The following RAB5A variants were observed in gnomAD, a reference collection of about 807,000 sequenced individuals.
The protein encoded by RAB5A is ras-related protein Rab-5A.
RAB5A carries 8 observed loss-of-function variants against 25.7 expected under a neutral mutation model. That is an observed-to-expected ratio of 0.31 (90% CI 0.18 to 0.56). The LOEUF (loss-of-function observed/expected upper bound fraction) is 0.56. Ranked by LOEUF, RAB5A falls within the 20% of genes least tolerant of loss-of-function variation. The probability of loss-of-function intolerance (pLI) is 0.91; values close to 1 mark genes in which losing one functional copy is unlikely to be tolerated. For missense variants in RAB5A, 192 were observed against 259.7 expected (o/e 0.74, Z 1.79); for synonymous variants, 98 against 89.8 (o/e 1.09, Z -0.52).
chr3:19,976,287 T>C, intron 4 of RAB5A, 118 bp downstream of exon 4: 4 of 1,169,182 alleles, frequency 3.4e-6, no homozygotes, highest in Non-Finnish European at 4.7e-6. Context: ...AATACTGATT[T>C]TTAAAACAAA....
At chr3:19,954,805 G>A (rs1055414316) in intron 2 of RAB5A, among the ~76,000 whole-genome samples, 5 of 152,068 alleles carry the variant, frequency 3.3e-5, no homozygotes, top group Non-Finnish European at 7.4e-5. Flanking sequence ...GTGACAGTGA[G>A]AACCCTGTCT....
intron 5 of RAB5A, 100 bp from the exon 6 acceptor site, chr3:19,983,608 G>T (rs1454281710): frequency 1.3e-6 from 1 of 775,424 alleles, no homozygotes; most frequent in Non-Finnish European, 2.2e-6. Context: ...ATGATACTTT[G>T]GGGGTAACCT....
intron 5 of RAB5A, among the ~76,000 whole-genome samples, chr3:19,982,149 G>C (rs1161169643): frequency 1.3e-5 from 2 of 151,986 alleles, no homozygotes; most frequent in Non-Finnish European, 2.9e-5. Context: ...GAGGTGGGAG[G>C]ATCTTTTGAG....
intron 2 of RAB5A, among the ~76,000 whole-genome samples, chr3:19,974,722 G>GAAAAAGAAAA (rs1553639666): frequency 1.4e-5 from 2 of 141,912 alleles, no homozygotes; most frequent in Admixed American, 7.0e-5. Flanking sequence ...CTGTGTCTCA[G>GAAAAAGAAAA]AAAAAGAAAA....
chr3:19,970,523 T>C (rs1277236594), intron 2 of RAB5A: 1 of 456,548 alleles, frequency 2.2e-6, no homozygotes, highest in Non-Finnish European at 4.4e-6. Flanking sequence ...GCTTTGTTTT[T>C]CTCTACTTGT....
At chr3:19,953,087 A>G (rs951178808) in intron 2 of RAB5A, among the ~76,000 whole-genome samples, 4 of 151,142 alleles carry the variant, frequency 2.6e-5, no homozygotes, top group South Asian at 4.1e-4. Flanking sequence ...AAAACTCTGA[A>G]GTACTGTAGT....
intron 4 of RAB5A, among the ~76,000 whole-genome samples, chr3:19,976,958 T>A (rs1034681864): frequency 9.2e-5 from 14 of 152,294 alleles, no homozygotes; most frequent in South Asian, 4.1e-4. Flanking sequence ...TTAAAAAAAA[T>A]TTTTTTAAGG....
intron 2 of RAB5A, among the ~76,000 whole-genome samples, chr3:19,958,553 A>G (rs1462136649): frequency 6.6e-6 from 1 of 152,140 alleles, no homozygotes; most frequent in Non-Finnish European, 1.5e-5. Context: ...CTAGGTAAGG[A>G]TTCTTGTAGG....
intron 2 of RAB5A, among the ~76,000 whole-genome samples, chr3:19,974,665 A>T (rs1197282185): frequency 6.7e-6 from 1 of 148,626 alleles, no homozygotes; most frequent in Admixed American, 6.8e-5. Context: ...CACGCCTATA[A>T]TCTCAGCACT....
chr3:19,953,779 T>C (rs1319555602), intron 2 of RAB5A, among the ~76,000 whole-genome samples: 2 of 152,216 alleles, frequency 1.3e-5, no homozygotes, highest in African/African-American at 2.4e-5. Flanking sequence ...TCAGGAGGTA[T>C]GACAGTACCA....
intron 2 of RAB5A, among the ~76,000 whole-genome samples, chr3:19,963,540 A>G (rs191668714): frequency 6.6e-6 from 1 of 152,190 alleles, no homozygotes; most frequent in Admixed American, 6.5e-5. Flanking sequence ...AGATAATTAT[A>G]TCCTAGGATT....
intron 2 of RAB5A, among the ~76,000 whole-genome samples, chr3:19,953,660 G>A (rs191230049): frequency 1.3e-5 from 2 of 152,008 alleles, no homozygotes; most frequent in Non-Finnish European, 1.5e-5. Flanking sequence ...TGCCTACCTC[G>A]GGCTCTCCAA....
At chr3:19,978,204 G>A in intron 4 of RAB5A, 106 bp from the exon 5 acceptor site, 2 of 768,864 alleles carry the variant, frequency 2.6e-6, no homozygotes, top group Admixed American at 2.1e-5. Context: ...ATAGGAATCA[G>A]GTTGTAGTAA....
intron 2 of RAB5A, among the ~76,000 whole-genome samples, chr3:19,957,216 A>C (rs567168490): frequency 6.6e-6 from 1 of 152,270 alleles, no homozygotes; most frequent in East Asian, 1.9e-4. Flanking sequence ...GGTGTAAGCC[A>C]CTGTGCCCAG....
intron 2 of RAB5A, among the ~76,000 whole-genome samples, chr3:19,962,420 T>C (rs1238310287): frequency 2.0e-5 from 3 of 150,744 alleles, no homozygotes; most frequent in Non-Finnish European, 1.5e-5. Context: ...ATACAAAAAT[T>C]AACCGGGCAT....
intron 2 of RAB5A, among the ~76,000 whole-genome samples, chr3:19,965,419 TAAA>T (rs35939974): frequency 1.2e-4 from 17 of 141,748 alleles, no homozygotes; most frequent in Admixed American, 1.4e-4. Flanking sequence ...GACCCTGTCT[TAAA>T]AAAAAAAAAA....
chr3:19,973,837 TA>T lies in RAB5A; in HGVS notation c.164-1760del, dbSNP rs1366123910. ...TGAAAAATAAATGTTGTGTCTAACG[TA>T]AAAGAGATATATCTCATTAGACTTT... On this transcript the variant is annotated intron_variant, in intron 2 of 5. Transcript: ENST00000273047. Among the ~76,000 whole-genome samples the T allele has an allele frequency of 4.6e-5, 7 of 152,324 alleles. No individual in the cohort carries two copies. In the South Asian group the frequency reaches 6.2e-4, roughly 14 times the overall value.
At chr3:19,951,701 GTTTT>G (rs61250458) in intron 2 of RAB5A, among the ~76,000 whole-genome samples, 5 of 99,012 alleles carry the variant, frequency 5.0e-5, no homozygotes, top group Admixed American at 1.1e-4. Flanking sequence ...TGCCAGGCAA[GTTTT>G]TTTTTTTTTT....
In RAB5A at chr3:19,975,229, AAAG is replaced by A. The variant is rs1436344223; in HGVS notation, c.164-365_164-363del. On this transcript the variant is annotated intron_variant, in intron 2 of 5. Coordinates refer to ENST00000273047, the MANE Select transcript of RAB5A (RefSeq NM_004162.5). Reference sequence around the variant, plus strand: ...ACTCTTGTATCAAAAAAAAAAAAAAAAAGAAGAAGGAAAAGAAATGTAGTCTTA... The same window carrying A: ...ACTCTTGTATCAAAAAAAAAAAAAAAAAGAAGGAAAAGAAATGTAGTCTTA... Among the ~76,000 whole-genome samples, 58 of 151,488 alleles carry A rather than the reference AAAG, an allele frequency of 3.8e-4. No individual in the cohort carries two copies. The East Asian group carries it at 4.1e-3, about 11-fold the overall frequency.
Sources: allele counts gnomAD v4.1 joint callset (sites outside exome capture counted in the v4.1 genomes callset), GRCh38; gene constraint gnomAD v4.1.1; transcripts MANE v1.5; gene names NCBI Gene and HGNC (gene_info 2026-07-23, HGNC 2026-07-21).